The following MRGPRE variants were observed in gnomAD, a reference collection of about 807,000 sequenced individuals.
MRGPRE encodes MAS related GPR family member E.
For synonymous variants in MRGPRE, 229 were observed against 206.7 expected, an observed-to-expected ratio of 1.11 and a Z score of -0.92; for missense variants, 466 against 433.4, an observed-to-expected ratio of 1.08 and a Z score of -0.67.
At position 3,231,398 on chromosome 11, in the gene MRGPRE, T is replaced by C. The variant is rs1847828321; in HGVS notation, c.-62+743A>G. 6.6e-6 allele frequency among the ~76,000 whole-genome samples: 1 copy of C among 151,906 alleles called. No homozygotes were observed. Among genetic ancestry groups the C allele is most frequent in the Admixed American group, 6.6e-5 (1 of 15,266 alleles). On this transcript the variant is annotated intron_variant, in intron 1 of 1. Coordinates refer to ENST00000389832, the MANE Select transcript of MRGPRE (RefSeq NM_001039165.4). The surrounding 1 kb of genome is among the most constrained non-coding windows in gnomAD (Gnocchi z 4.7). ...CCCTGCTGCTGCCCCCTCTCTGCTG[T>C]GACCCTGGAGGAGGTCTCCCTGTGG...
rs761077384 is a variant in MRGPRE at position 3,228,447 on chromosome 11, C to T, written c.353G>A (p.Ser118Asn). ...GAGGGCGGCCAGGCACTGCTCCACG[C>T]TGACGGCCGCCAGGAGACTCAGGCC... ...IVGLSLLAAV[S>N]VEQCLAALFP... The change falls in exon 2 of 2, where the codon AGC (serine) becomes AAC (asparagine). Residue 118 changes from serine (S) to asparagine (N), a missense_variant. Coordinates refer to ENST00000389832, the MANE Select transcript of MRGPRE (RefSeq NM_001039165.4). 7.4e-6 allele frequency: 12 copies of T among 1,611,732 alleles called. No individual in the cohort carries two copies. Among genetic ancestry groups the T allele is most frequent in the Admixed American group, 1.7e-5 (1 of 59,994 alleles).
Position 3,227,851 on chromosome 11 carries a change from GC to G in MRGPRE, c.*9del. The G allele has an allele frequency of 1.4e-6, 2 of 1,433,766 alleles. No individual in the cohort carries two copies. The allele number at this position is 1,433,766 out of a possible 1,614,324, so 88.8% of individuals were successfully genotyped here. A position where few individuals can be genotyped will look rare whatever the true frequency, so the allele number is the denominator to read the frequency against. Reference sequence around the variant, plus strand: ...ACGGGGGCTGCAGCTGGGGTCGGGGGCCCCAGGGCTCAGGCTGCTATGTCCA... The same window carrying G: ...ACGGGGGCTGCAGCTGGGGTCGGGGGCCCAGGGCTCAGGCTGCTATGTCCA... On this transcript the variant is annotated 3_prime_UTR_variant, in exon 2 of 2. Transcript: ENST00000389832.
rs368222653 is a variant in MRGPRE, at chr11:3,228,707, G to A, written c.93C>T (p.Thr31=). ...GCAGCCCACCGAGGCCGAGCCCCTC[G>A]GTGAGGGACAGGATGATGAGGTTGA... The part of the protein sequence containing the change: ...VAFNLIILSL[T]EGLGLGGLLG... Residue 31 remains threonine, a synonymous_variant, in exon 2 of 2, where the codon ACC becomes ACT. Transcript: ENST00000389832. 5.5e-5 allele frequency: 89 copies of A among 1,613,974 alleles called. No individual in the cohort carries two copies. Among genetic ancestry groups the A allele is most frequent in the East Asian group, 8.9e-5 (4 of 44,864 alleles).
rs1314339020 is a variant in MRGPRE at position 3,227,908 on chromosome 11, C to A, written c.892G>T (p.Ala298Ser). ...CCCCGGCGGGAGGTCTCCCTGACGG[C>A]CCCCAGCTCAGCCTCGTCTCCCAGC... is the stretch of plus-strand genomic sequence containing the variant. ...RALGDEAELGAVRETSRRGLV... is the reference protein window; with the variant it reads ...RALGDEAELGSVRETSRRGLV... Residue 298 changes from alanine (A) to serine (S), a missense_variant, in exon 2 of 2, where the codon GCC (alanine) becomes TCC (serine). Physicochemically the swap from Ala to Ser is moderately conservative, Grantham distance 99. Coordinates refer to ENST00000389832, the MANE Select transcript of MRGPRE (RefSeq NM_001039165.4). The A allele has an allele frequency of 6.8e-7, 1 of 1,481,166 alleles. No individual in the cohort carries two copies. The highest frequency in any genetic ancestry group is 9.0e-7 in the Non-Finnish European group (1 of 1,112,564). The allele number at this position is 1,481,166 out of a possible 1,614,324, so 91.8% of individuals were successfully genotyped here.
intron 1 of MRGPRE, 21 bp from the exon 2 acceptor site, chr11:3,228,881 G>T: frequency 8.5e-7 from 1 of 1,172,150 alleles, no homozygotes; most frequent in Non-Finnish European, 1.2e-6. Flanking sequence ...CAACAGTTGA[G>T]TCTGGGGCTC....
Position 3,230,020 on chromosome 11 carries a change from A to G in MRGPRE, c.-61-1160T>C, listed in dbSNP as rs973918991. ...CAAATCCCAGGGGACCTAGGCTGGA[A>G]TCGGAGTCTTCATCACAGCTTTGCC... On this transcript the variant is annotated intron_variant, in intron 1 of 1. Transcript: ENST00000389832. This position sits in a 1 kb window ranked among gnomAD's most constrained non-coding sequence, Gnocchi z 5.5. Among the ~76,000 whole-genome samples the G allele has an allele frequency of 1.3e-5, 2 of 152,172 alleles. No individual in the cohort carries two copies. The highest frequency in any genetic ancestry group is 2.9e-5 in the Non-Finnish European group (2 of 68,018).
rs1266663733 is a variant in MRGPRE at position 3,227,849 on chromosome 11, G to A, written c.*12C>T. 1.4e-6 allele frequency: 2 copies of A among 1,433,990 alleles called. No homozygotes were observed. The highest frequency in any genetic ancestry group is 1.8e-6 in the Non-Finnish European group (2 of 1,094,104). 88.8% of individuals were successfully genotyped at this position (1,433,990 alleles called of 1,614,324 possible). On this transcript the variant is annotated 3_prime_UTR_variant, in exon 2 of 2. Coordinates refer to ENST00000389832, the MANE Select transcript of MRGPRE (RefSeq NM_001039165.4). The stretch of plus-strand genomic sequence containing the variant: ...TCACGGGGGCTGCAGCTGGGGTCGG[G>A]GGCCCCAGGGCTCAGGCTGCTATGT...
Position 3,230,864 on chromosome 11 carries a change from T to A in MRGPRE, c.-62+1277A>T, listed in dbSNP as rs149236205. On this transcript the variant is annotated intron_variant, in intron 1 of 1. Transcript: ENST00000389832. The surrounding 1 kb of genome is among the most constrained non-coding windows in gnomAD (Gnocchi z 5.5). Reference sequence around the variant, plus strand: ...GGAGGGAGCCCCACCTGGGCCAGCATCATCAGGAGGACACCCTGAGTGGGG... The same window carrying A: ...GGAGGGAGCCCCACCTGGGCCAGCAACATCAGGAGGACACCCTGAGTGGGG... Among the ~76,000 whole-genome samples the A allele has an allele frequency of 6.6e-6, 1 of 151,636 alleles. No homozygotes were observed. Among genetic ancestry groups the A allele is most frequent in the East Asian group, 2.0e-4 (1 of 5,116 alleles).
rs202197260 is a variant in MRGPRE at position 3,228,612 on chromosome 11, A to G, written c.188T>C (p.Leu63Pro). ...GATGAGATCCGCGCAGGCCACGTCC[A>G]GGAGGTAGATGGCGAAGGGGTTTCT... is the stretch of plus-strand genomic sequence containing the variant. ...VYRNPFAIYL[L>P]DVACADLIFL... is the part of the protein sequence containing the mutation. Residue 63 changes from leucine to proline, a missense_variant, in exon 2 of 2, where the codon CTG becomes CCG. Transcript: ENST00000389832. The G allele has an allele frequency of 1.1e-3, 1,726 of 1,614,088 alleles. No homozygotes were observed. Among genetic ancestry groups the G allele is most frequent in the Admixed American group, 1.5e-3 (93 of 60,032 alleles).
chr11:3,225,394 G>A lies in MRGPRE; in HGVS notation c.*2467C>T, dbSNP rs551537406. Among the ~76,000 whole-genome samples the A allele has an allele frequency of 1.4e-3, 215 of 152,350 alleles. No individual in the cohort carries two copies. Among genetic ancestry groups the A allele is most frequent in the African/African-American group, 4.5e-3 (186 of 41,586 alleles). On this transcript the variant is annotated 3_prime_UTR_variant, in exon 2 of 2. Transcript: ENST00000389832. ...GGATGGGGTGGGCTGGGCACTGACC[G>A]AGGAGCTTTGCCTGCGACCCAGGTG... is the stretch of plus-strand genomic sequence containing the variant.
At position 3,227,784 on chromosome 11, in the gene MRGPRE, G is replaced by T; in HGVS notation, c.*77C>A. The T allele has an allele frequency of 1.6e-6, 2 of 1,232,294 alleles. No individual in the cohort carries two copies. The highest frequency in any genetic ancestry group is 2.2e-6 in the Non-Finnish European group (2 of 926,458). 76.3% of individuals were successfully genotyped at this position (1,232,294 alleles called of 1,614,324 possible). A position where few individuals can be genotyped will look rare whatever the true frequency, so the allele number is the denominator to read the frequency against. ...CCTCCTCCAGGTCCGGCTGGCCCCA[G>T]CCTCTGACCCCACCACCTTCCCCAA... On this transcript the variant is annotated 3_prime_UTR_variant, in exon 2 of 2. Coordinates refer to ENST00000389832, the MANE Select transcript of MRGPRE (RefSeq NM_001039165.4).
chr11:3,228,520 A>C lies in MRGPRE; in HGVS notation c.280T>G (p.Phe94Val). 1 of 1,613,836 alleles carries C rather than the reference A, an allele frequency of 6.2e-7. No homozygotes were observed. Among genetic ancestry groups the C allele is most frequent in the Non-Finnish European group, 8.5e-7 (1 of 1,179,968 alleles). ...LLQGRLDFPGFVQTSLATLRF... is the reference protein window; with the variant it reads ...LLQGRLDFPGVVQTSLATLRF... ...AGCGTTGCCAGGCTGGTCTGCACGA[A>C]GCCCGGGAAGTCCAGCCGGCCTTGC... The change falls in exon 2 of 2, where the codon TTC (phenylalanine) becomes GTC (valine). Residue 94 changes from phenylalanine (F) to valine (V), a missense_variant. Physicochemically the swap from Phe to Val is conservative, Grantham distance 50. Transcript: ENST00000389832.
At position 3,226,764 on chromosome 11, in the gene MRGPRE, G is replaced by A. The variant is rs1175745668; in HGVS notation, c.*1097C>T. On this transcript the variant is annotated 3_prime_UTR_variant, in exon 2 of 2. Coordinates refer to ENST00000389832, the MANE Select transcript of MRGPRE (RefSeq NM_001039165.4). The stretch of plus-strand genomic sequence containing the variant: ...GTGTGGCGTTGGTGGCAGTAGAATC[G>A]ACAGACATTTCTCTTGGGCTCACGA... 2.0e-5 allele frequency among the ~76,000 whole-genome samples: 3 copies of A among 152,202 alleles called. No individual in the cohort carries two copies. The highest frequency in any genetic ancestry group is 7.2e-5 in the African/African-American group (3 of 41,446).
chr11:3,225,747 A>AG lies in MRGPRE; in HGVS notation c.*2113dup, dbSNP rs1221128792. On this transcript the variant is annotated 3_prime_UTR_variant, in exon 2 of 2. Transcript: ENST00000389832. The stretch of plus-strand genomic sequence containing the variant: ...TACCTGCTGCCACAGCAGCTACTAG[A>AG]GTGGGGACGAGCTGGGCCCAGTTTC... Among the ~76,000 whole-genome samples, 5 of 152,266 alleles carry AG rather than the reference A, an allele frequency of 3.3e-5. No individual in the cohort carries two copies. The highest frequency in any genetic ancestry group is 2.6e-4 in the Admixed American group (4 of 15,300).
Position 3,230,032 on chromosome 11 carries a change from A to C in MRGPRE, c.-61-1172T>G, listed in dbSNP as rs908381391. On this transcript the variant is annotated intron_variant, in intron 1 of 1. Transcript: ENST00000389832. This position sits in a 1 kb window ranked among gnomAD's most constrained non-coding sequence, Gnocchi z 5.5. ...GACCTAGGCTGGAATCGGAGTCTTC[A>C]TCACAGCTTTGCCAGAAATACAGCA... Among the ~76,000 whole-genome samples, 20 of 152,314 alleles carry C rather than the reference A, an allele frequency of 1.3e-4. No homozygotes were observed. The highest frequency in any genetic ancestry group is 1.0e-3 in the Admixed American group (16 of 15,310).
chr11:3,228,492 C>G lies in MRGPRE; in HGVS notation c.308G>C (p.Arg103Pro). The G allele has an allele frequency of 6.2e-7, 1 of 1,613,550 alleles. No individual in the cohort carries two copies. The highest frequency in any genetic ancestry group is 8.5e-7 in the Non-Finnish European group (1 of 1,179,980). Residue 103 changes from arginine (R) to proline (P), a missense_variant, in exon 2 of 2, where the codon CGC becomes CCC. By Grantham distance (103) the Arg-to-Pro change is moderately radical. Coordinates refer to ENST00000389832, the MANE Select transcript of MRGPRE (RefSeq NM_001039165.4). The part of the protein sequence containing the change: ...GFVQTSLATL[R>P]FFCYIVGLSL... ...CAGGCCCACGATGTAGCAGAAGAAG[C>G]GCAGCGTTGCCAGGCTGGTCTGCAC...
chr11:3,227,384 C>T lies in MRGPRE; in HGVS notation c.*477G>A, dbSNP rs1035229731. Reference sequence around the variant, plus strand: ...TTTAGCTTCCACAGCGGGCACAAGGCGAGCTGAGGGGATGGTTGTGTTATC... The same window carrying T: ...TTTAGCTTCCACAGCGGGCACAAGGTGAGCTGAGGGGATGGTTGTGTTATC... On this transcript the variant is annotated 3_prime_UTR_variant, in exon 2 of 2. Coordinates refer to ENST00000389832, the MANE Select transcript of MRGPRE (RefSeq NM_001039165.4). Among the ~76,000 whole-genome samples, 2 of 152,114 alleles carry T rather than the reference C, an allele frequency of 1.3e-5. No individual in the cohort carries two copies. Among genetic ancestry groups the T allele is most frequent in the Non-Finnish European group, 2.9e-5 (2 of 68,024 alleles).
rs999079027 is a variant in MRGPRE at position 3,225,120 on chromosome 11, C to T, written c.*2741G>A. Among the ~76,000 whole-genome samples the T allele has an allele frequency of 1.3e-5, 2 of 152,252 alleles. No individual in the cohort carries two copies. The highest frequency in any genetic ancestry group is 6.5e-5 in the Admixed American group (1 of 15,286). On this transcript the variant is annotated 3_prime_UTR_variant, in exon 2 of 2. Coordinates refer to ENST00000389832, the MANE Select transcript of MRGPRE (RefSeq NM_001039165.4). ...GTGAGCCTGCCTCTCCCCGTGAAGACGCCATGCAGCGCAGGCTGATTTACA... is the reference window on the plus strand; with the variant it reads ...GTGAGCCTGCCTCTCCCCGTGAAGATGCCATGCAGCGCAGGCTGATTTACA...
In MRGPRE at chr11:3,225,849, C is replaced by T. The variant is rs779642565; in HGVS notation, c.*2012G>A. 3.9e-4 allele frequency among the ~76,000 whole-genome samples: 60 copies of T among 152,364 alleles called. No individual in the cohort carries two copies. The highest frequency in any genetic ancestry group is 6.0e-4 in the Non-Finnish European group (41 of 68,026). On this transcript the variant is annotated 3_prime_UTR_variant, in exon 2 of 2. Coordinates refer to ENST00000389832, the MANE Select transcript of MRGPRE (RefSeq NM_001039165.4). ...AATAAGGAGGAATCTAGAGCCACTC[C>T]AATCCCCTGGATGCTGAGAGCAGGC...
Sources: gnomAD v4.1 joint callset for allele counts (sites outside exome capture counted in the v4.1 genomes callset) on GRCh38, gnomAD v4.1.1 for gene constraint, Gnocchi (gnomAD v3.1) non-coding constraint, MANE v1.5 for transcripts, NCBI Gene and HGNC (gene_info 2026-07-23, HGNC 2026-07-21) for gene names.